The following CFAP43 variants were observed in gnomAD, a reference collection of about 807,000 sequenced individuals.
CFAP43 encodes the protein cilia- and flagella-associated protein 43.
CFAP43 carries 155 observed loss-of-function variants against 218.9 expected under a neutral mutation model. That is an observed-to-expected ratio of 0.71 (90% CI 0.62 to 0.81). The LOEUF is 0.81. CFAP43 is among the 30% of genes least tolerant of loss of function. The pLI is 0.00. For missense variants in CFAP43, 1,778 were observed against 1,954.3 expected (o/e 0.91, Z 1.70); for synonymous variants, 645 against 681.3 (o/e 0.95, Z 0.83).
At chr10:104,210,172 G>T (rs2090810911) in intron 5 of CFAP43, among the ~76,000 whole-genome samples, 1 of 152,098 alleles carries the variant, frequency 6.6e-6, no homozygotes, top group Admixed American at 6.5e-5. Context: ...GAATATTTTT[G>T]ATCTGCAGTG....
chr10:104,136,259 A>AG (rs2087439742), intron 34 of CFAP43, among the ~76,000 whole-genome samples: 1 of 14,418 alleles, frequency 6.9e-5, no homozygotes, highest in East Asian at 3.2e-3. Context: ...TCTCCATTTC[A>AG]AAAAAAAAAA....
intron 17 of CFAP43, among the ~76,000 whole-genome samples, chr10:104,181,509 G>T (rs2089843439): frequency 6.6e-6 from 1 of 152,188 alleles, no homozygotes. Flanking sequence ...CAGAACACCT[G>T]ACTCAGTTCT....
rs371105012 is a variant in CFAP43 at position 104,167,753 on chromosome 10, G to A, written c.2692-16C>T. On this transcript the variant is annotated splice_polypyrimidine_tract_variant and intron_variant, in intron 21 of 37. Transcript: ENST00000357060. ...TATGAAAACACTTGGGGAAAAAAAC[G>A]CAAGACAAAATAAATCCATTTGTAG... 135 of 1,574,466 alleles carry A rather than the reference G, an allele frequency of 8.6e-5. No homozygotes were observed. The highest frequency in any genetic ancestry group is 8.4e-4 in the Middle Eastern group (5 of 5,976).
chr10:104,197,021 G>A (rs2090400292), intron 9 of CFAP43, 88 bp from the exon 10 acceptor site: 1 of 953,084 alleles, frequency 1.0e-6, no homozygotes, highest in East Asian at 2.6e-5. Context: ...GTGTGCCAAT[G>A]ATTTAGTATA....
chr10:104,156,201 C>T (rs914319714), intron 27 of CFAP43, among the ~76,000 whole-genome samples: 1 of 151,962 alleles, frequency 6.6e-6, no homozygotes, highest in Non-Finnish European at 1.5e-5. Context: ...ATCATAAAAT[C>T]GGAAGACACA....
Position 104,190,030 on chromosome 10 carries a change from C to A in CFAP43, c.1547-1620G>T, listed in dbSNP as rs61108674. Among the ~76,000 whole-genome samples the A allele has an allele frequency of 2.1e-5, 3 of 146,034 alleles. No homozygotes were observed. In the East Asian group the frequency reaches 6.6e-4, roughly 32 times the overall value. On this transcript the variant is annotated intron_variant, in intron 12 of 37. Coordinates refer to ENST00000357060, the MANE Select transcript of CFAP43 (RefSeq NM_025145.7). The stretch of plus-strand genomic sequence containing the variant: ...ACAAATACAAAAAATTAGCCTGGCG[C>A]GGTGGCGGGCGCCTGTAGGCCCAGC...
At chr10:104,172,637 G>C in intron 19 of CFAP43, 102 bp from the exon 20 acceptor site, 2 of 1,005,814 alleles carry the variant, frequency 2.0e-6, no homozygotes, top group Non-Finnish European at 2.8e-6. Context: ...AAAAATAGAT[G>C]TTCTATTTAT....
intron 34 of CFAP43, among the ~76,000 whole-genome samples, chr10:104,138,096 T>G (rs2087535393): frequency 6.6e-6 from 1 of 152,130 alleles, no homozygotes; most frequent in South Asian, 2.1e-4. Flanking sequence ...GGAGAAAAAG[T>G]AACTTTATAG....
intron 4 of CFAP43, 105 bp downstream of exon 4, chr10:104,214,154 T>C (rs2090946932): frequency 2.8e-6 from 3 of 1,068,506 alleles, no homozygotes; most frequent in South Asian, 4.3e-5. Context: ...TGTATGCATA[T>C]ATATGTATGT....
intron 34 of CFAP43, among the ~76,000 whole-genome samples, chr10:104,135,116 A>G (rs2087378318): frequency 6.6e-6 from 1 of 152,172 alleles, no homozygotes. Flanking sequence ...GAACAAATTT[A>G]AAAACTCACA....
Position 104,142,187 on chromosome 10 carries a change from G to A in CFAP43, c.4271+94C>T. The A allele has an allele frequency of 4.1e-6, 4 of 973,766 alleles. No homozygotes were observed. The South Asian group carries it at 5.2e-5, about 13-fold the overall frequency. 60.3% of individuals were successfully genotyped at this position (973,766 alleles called of 1,614,324 possible). ...GTGCTGGAAGGGAGATGGCTGTAAA[G>A]CAGTCAGTAGGCATTCTCCCCAGTG... is the stretch of plus-strand genomic sequence containing the variant. On this transcript the variant is annotated intron_variant, in intron 33 of 37. Transcript: ENST00000357060.
chr10:104,187,551 T>A lies in CFAP43; in HGVS notation c.1688-59A>T, dbSNP rs1246133610. ...GTACCATAAATTAATTTTGTTTTTT[T>A]AAAATTATGAACAATTATGAAAAGC... On this transcript the variant is annotated intron_variant, in intron 13 of 37. Coordinates refer to ENST00000357060, the MANE Select transcript of CFAP43 (RefSeq NM_025145.7). 4.4e-6 allele frequency: 6 copies of A among 1,378,856 alleles called. No homozygotes were observed. The East Asian group carries it at 1.0e-4, about 24-fold the overall frequency. The allele number at this position is 1,378,856 out of a possible 1,614,324, so 85.4% of individuals were successfully genotyped here. A position where few individuals can be genotyped will look rare whatever the true frequency, so the allele number is the denominator to read the frequency against.
At chr10:104,138,396 G>A (rs1202150348) in intron 34 of CFAP43, among the ~76,000 whole-genome samples, 4 of 152,106 alleles carry the variant, frequency 2.6e-5, no homozygotes, top group Non-Finnish European at 4.4e-5. Context: ...ACAACTGGCC[G>A]GTGGCACGGT....
chr10:104,230,461 T>C lies in CFAP43; in HGVS notation c.319+129A>G, dbSNP rs2091420060. The C allele has an allele frequency of 2.4e-6, 3 of 1,248,404 alleles. No homozygotes were observed. The Admixed American group carries it at 8.0e-5, about 33-fold the overall frequency. 77.3% of individuals were successfully genotyped at this position (1,248,404 alleles called of 1,614,324 possible). A position where few individuals can be genotyped will look rare whatever the true frequency, so the allele number is the denominator to read the frequency against. The stretch of plus-strand genomic sequence containing the variant: ...GCCTAGGCAACAGGGCAAAACTCCA[T>C]CTCAAAACAAACACAAAAAACAAAC... On this transcript the variant is annotated intron_variant, in intron 2 of 37. Transcript: ENST00000357060.
Position 104,212,129 on chromosome 10 carries a change from AC to A in CFAP43, c.612del (p.Ser205HisfsTer33). Reference protein sequence around the residue: ...ARSVKLPLEDGSFFNETDVVF... With the variant: ...ARSVKLPLEDXSFFNETDVVF... Reference sequence around the variant, plus strand: ...ACGACATCCGTTTCATTAAAAAATGACCCATCTTCTAGAGGTAATTTCACCG... The same window carrying A: ...ACGACATCCGTTTCATTAAAAAATGACCATCTTCTAGAGGTAATTTCACCG... On this transcript the variant is annotated frameshift_variant, in exon 5 of 38. Transcript: ENST00000357060. LOFTEE classifies it high-confidence loss of function. 6.2e-7 allele frequency: 1 copy of A among 1,613,980 alleles called. No homozygotes were observed. The highest frequency in any genetic ancestry group is 8.5e-7 in the Non-Finnish European group (1 of 1,179,942).
chr10:104,224,405 AGT>A (rs2091258780), intron 3 of CFAP43, among the ~76,000 whole-genome samples: 2 of 152,076 alleles, frequency 1.3e-5, no homozygotes, highest in Admixed American at 1.3e-4. Flanking sequence ...AACTTATCAA[AGT>A]ATTTACCTTA....
rs1554886499 is a variant in CFAP43 at position 104,207,171 on chromosome 10, T to TG, written c.895+493_895+494insC. ...CTGGGTGACAGAATGAGACTCTGTC[T>TG]AAAAAAAAACCAAAAAAACAACACC... On this transcript the variant is annotated intron_variant, in intron 6 of 37. Transcript: ENST00000357060. Among the ~76,000 whole-genome samples the TG allele has an allele frequency of 1.0e-4, 15 of 150,458 alleles. No individual in the cohort carries two copies. In the East Asian group the frequency reaches 2.7e-3, roughly 27 times the overall value.
intron 23 of CFAP43, among the ~76,000 whole-genome samples, chr10:104,165,001 T>C (rs778605205): frequency 6.6e-6 from 1 of 152,234 alleles, no homozygotes. Context: ...GCACATGTCT[T>C]TTCTTTGGAA....
chr10:104,167,366 C>T (rs1455029198), intron 22 of CFAP43, among the ~76,000 whole-genome samples: 4 of 152,146 alleles, frequency 2.6e-5, no homozygotes, highest in Non-Finnish European at 5.9e-5. Flanking sequence ...GAGCAGAACA[C>T]CAAATCTCAC....
Sources: allele counts gnomAD v4.1 joint callset (sites outside exome capture counted in the v4.1 genomes callset), GRCh38; gene constraint gnomAD v4.1.1; transcripts MANE v1.5; gene names NCBI Gene and HGNC (gene_info 2026-07-23, HGNC 2026-07-21).